The following NRG3 variants were observed in gnomAD, a reference collection of about 807,000 sequenced individuals.
NRG3 encodes the protein pro-neuregulin-3, membrane-bound isoform.
In NRG3, 31 loss-of-function variants were observed where a neutral mutation model predicts 66.9. The observed-to-expected ratio is 0.46, with a 90% CI of 0.35 to 0.63. NRG3 has a LOEUF of 0.63. NRG3 is among the 20% of genes least tolerant of loss of function. The probability of loss-of-function intolerance (pLI) is 0.00; values close to 1 mark genes in which losing one functional copy is unlikely to be tolerated. For synonymous variants in NRG3, 393 were observed against 359.4 expected, an observed-to-expected ratio of 1.09 and a Z score of -1.06; for missense variants, 910 against 878.9, an observed-to-expected ratio of 1.04 and a Z score of -0.45.
chr10:82,091,835 A>T (rs759784963), intron 1 of NRG3, among the ~76,000 whole-genome samples: 1 of 152,126 alleles, frequency 6.6e-6, no homozygotes, highest in Non-Finnish European at 1.5e-5. Flanking sequence ...TTTTTATTTT[A>T]AATAATAACC....
Position 82,711,758 on chromosome 10 carries a change from C to T in NRG3, c.954-26819C>T, listed in dbSNP as rs185441690. ...TCTGTTTATCATATGATCAATTTTA[C>T]ACCATCTTTACTGCCATTCTTTATG... On this transcript the variant is annotated intron_variant, in intron 2 of 8. Coordinates refer to ENST00000372141, the MANE Select transcript of NRG3 (RefSeq NM_001010848.4). 1.6e-3 allele frequency among the ~76,000 whole-genome samples: 241 copies of T among 152,218 alleles called. No individual in the cohort carries two copies. The Middle Eastern group carries it at 0.017, about 11-fold the overall frequency.
chr10:82,876,083 T>G (rs1841794695), intron 4 of NRG3, among the ~76,000 whole-genome samples: 2 of 152,212 alleles, frequency 1.3e-5, no homozygotes, highest in African/African-American at 4.8e-5. Context: ...TGGACAAGAT[T>G]TTAAAATCAG....
intron 2 of NRG3, among the ~76,000 whole-genome samples, chr10:82,735,457 A>AGT (rs2058107228): frequency 6.6e-6 from 1 of 152,198 alleles, no homozygotes; most frequent in African/African-American, 2.4e-5. Flanking sequence ...CACATGCACA[A>AGT]GTGTTTTTAT....
intron 2 of NRG3, among the ~76,000 whole-genome samples, chr10:82,523,876 T>C (rs931802422): frequency 2.0e-5 from 3 of 152,156 alleles, no homozygotes; most frequent in African/African-American, 7.2e-5. Context: ...ATTTTCCTGA[T>C]TGAATTTCTC....
chr10:82,027,578 G>A (rs1361815250), intron 1 of NRG3, among the ~76,000 whole-genome samples: 2 of 152,108 alleles, frequency 1.3e-5, no homozygotes, highest in Non-Finnish European at 2.9e-5. Context: ...TAGCTACAAA[G>A]CACATTTAAA....
At chr10:82,381,214 G>A (rs1034485962) in intron 2 of NRG3, among the ~76,000 whole-genome samples, 1 of 152,058 alleles carries the variant, frequency 6.6e-6, no homozygotes, top group Non-Finnish European at 1.5e-5. Flanking sequence ...AATCCAGCAT[G>A]TTTCATTTTC....
intron 2 of NRG3, among the ~76,000 whole-genome samples, chr10:82,636,807 T>A (rs1312988927): frequency 6.6e-6 from 1 of 151,696 alleles, no homozygotes; most frequent in Non-Finnish European, 1.5e-5. Context: ...TTTTAATCTC[T>A]TGTGGGCTGT....
chr10:82,867,342 C>T, intron 4 of NRG3, among the ~76,000 whole-genome samples: 1 of 152,182 alleles, frequency 6.6e-6, no homozygotes, highest in East Asian at 1.9e-4. Flanking sequence ...GCTTAAAAGA[C>T]TGATCTACAA....
At chr10:82,042,339 A>AT (rs1465036036) in intron 1 of NRG3, among the ~76,000 whole-genome samples, 1 of 151,958 alleles carries the variant, frequency 6.6e-6, no homozygotes, top group Non-Finnish European at 1.5e-5. Flanking sequence ...ATTTATCTTT[A>AT]TTTTTTGCAA....
At chr10:82,040,223 C>T (rs548394543) in intron 1 of NRG3, among the ~76,000 whole-genome samples, 67 of 152,066 alleles carry the variant, frequency 4.4e-4, no homozygotes, top group Non-Finnish European at 9.0e-4. Context: ...ATTCCACCAC[C>T]GTCTTTCAAC....
chr10:82,607,579 A>G (rs2048043869), intron 2 of NRG3, among the ~76,000 whole-genome samples: 1 of 152,116 alleles, frequency 6.6e-6, no homozygotes, highest in African/African-American at 2.4e-5. Flanking sequence ...TATTTAAATG[A>G]TGATATAGTT....
At chr10:82,661,376 A>T (rs1336899494) in intron 2 of NRG3, among the ~76,000 whole-genome samples, 2 of 152,058 alleles carry the variant, frequency 1.3e-5, no homozygotes, top group Non-Finnish European at 2.9e-5. Context: ...AGCATATTAA[A>T]TATATAGAAT....
chr10:82,699,071 G>A (rs1413026932), intron 2 of NRG3, among the ~76,000 whole-genome samples: 1 of 152,064 alleles, frequency 6.6e-6, no homozygotes, highest in Non-Finnish European at 1.5e-5. Context: ...TCTGAAATAC[G>A]AATGTATTAT....
chr10:82,415,283 G>A (rs891032333), intron 2 of NRG3, among the ~76,000 whole-genome samples: 17 of 152,158 alleles, frequency 1.1e-4, no homozygotes, highest in African/African-American at 2.6e-4. Flanking sequence ...GGAAAATGTC[G>A]TTCATATGGT....
At chr10:82,405,233 TAGA>T (rs952857919) in intron 2 of NRG3, among the ~76,000 whole-genome samples, 70 of 152,114 alleles carry the variant, frequency 4.6e-4, no homozygotes, top group African/African-American at 1.5e-3. Context: ...GAGAGTGAAT[TAGA>T]AGGATGTGTG....
At position 82,002,010 on chromosome 10, in the gene NRG3, T is replaced by C. The variant is rs553211580; in HGVS notation, c.823+125847T>C. 4.6e-4 allele frequency among the ~76,000 whole-genome samples: 70 copies of C among 152,286 alleles called. No individual in the cohort carries two copies. In the South Asian group the frequency reaches 0.012, roughly 27 times the overall value. On this transcript the variant is annotated intron_variant, in intron 1 of 8. Transcript: ENST00000372141. Reference sequence around the variant, plus strand: ...CATAAAATTGAACCCATACATATAGTATGATGCTTGCAAATCTGAAAAATC... The same window carrying C: ...CATAAAATTGAACCCATACATATAGCATGATGCTTGCAAATCTGAAAAATC...
rs537138616 is a variant in NRG3, at chr10:82,486,906, T to C, written c.953+128038T>C. Among the ~76,000 whole-genome samples, 3 of 152,186 alleles carry C rather than the reference T, an allele frequency of 2.0e-5. No homozygotes were observed. The South Asian group carries it at 6.2e-4, about 32-fold the overall frequency. ...ACAGAAGCAGAAAGTGGAATGGTACTTGCTAGGGCCTGGGAAGGGCTGATC... is the reference window on the plus strand; with the variant it reads ...ACAGAAGCAGAAAGTGGAATGGTACCTGCTAGGGCCTGGGAAGGGCTGATC... On this transcript the variant is annotated intron_variant, in intron 2 of 8. Transcript: ENST00000372141.
At chr10:82,034,863 A>G (rs755049956) in intron 1 of NRG3, among the ~76,000 whole-genome samples, 2 of 151,966 alleles carry the variant, frequency 1.3e-5, no homozygotes, top group South Asian at 2.1e-4. Flanking sequence ...AGCACCTCCT[A>G]CGGTCTGGCA....
chr10:82,930,360 T>C (rs1247588584), intron 4 of NRG3, among the ~76,000 whole-genome samples: 1 of 152,206 alleles, frequency 6.6e-6, no homozygotes, highest in Non-Finnish European at 1.5e-5. Flanking sequence ...ATTTAATTAA[T>C]AGAATTTATA....
Sources: gnomAD v4.1 joint callset for allele counts (sites outside exome capture counted in the v4.1 genomes callset) on GRCh38, gnomAD v4.1.1 for gene constraint, MANE v1.5 for transcripts, NCBI Gene and HGNC (gene_info 2026-07-23, HGNC 2026-07-21) for gene names.